The following ITGAM variants were observed in gnomAD, a reference collection of about 807,000 sequenced individuals.
ITGAM encodes integrin subunit alpha M, also known as integrin alpha-M.
ITGAM carries 79 observed loss-of-function variants against 137.5 expected under a neutral mutation model. The ratio of observed to expected loss-of-function variants is 0.57; its 90% CI spans 0.48 to 0.69. The LOEUF is 0.69. Ranked by LOEUF, ITGAM falls within the 30% of genes least tolerant of loss-of-function variation. The probability of loss-of-function intolerance (pLI) is 0.00; values close to 1 mark genes in which losing one functional copy is unlikely to be tolerated. For missense variants in ITGAM, 1,343 were observed against 1,483.5 expected (o/e 0.91, Z 1.56); for synonymous variants, 583 against 592.3 (o/e 0.98, Z 0.23).
chr16:31,261,040 A>T (rs2079692697), intron 1 of ITGAM, among the ~76,000 whole-genome samples: 1 of 152,090 alleles, frequency 6.6e-6, no homozygotes, highest in South Asian at 2.1e-4. Context: ...TGGTCTGCAA[A>T]ACCTAAAATT....
chr16:31,329,791 G>A lies in ITGAM; in HGVS notation c.2869-7G>A, dbSNP rs2080555958. 2 of 1,551,510 alleles carry A rather than the reference G, an allele frequency of 1.3e-6. No homozygotes were observed. The highest frequency in any genetic ancestry group is 1.7e-6 in the Non-Finnish European group (2 of 1,147,124). The stretch of plus-strand genomic sequence containing the variant: ...CCAGAGCCCTGACCCCGCCCTCCCC[G>A]GTGCAGGTCAGCAACCTGGGGCAGA... On this transcript the variant is annotated splice_region_variant and splice_polypyrimidine_tract_variant and intron_variant, in intron 24 of 29. Transcript: ENST00000544665.
At chr16:31,264,457 G>C (rs569057331) in intron 2 of ITGAM, among the ~76,000 whole-genome samples, 10 of 151,940 alleles carry the variant, frequency 6.6e-5, no homozygotes, top group African/African-American at 2.2e-4. Context: ...TTCAAAGAAA[G>C]AAAATAAATA....
chr16:31,325,459 C>T (rs906922753), intron 20 of ITGAM, 41 bp from the exon 21 acceptor site: 6 of 1,613,140 alleles, frequency 3.7e-6, no homozygotes, highest in Admixed American at 1.7e-5. Flanking sequence ...TCCTCACGGC[C>T]GGAGGTGGAT....
At position 31,330,410 on chromosome 16, in the gene ITGAM, T is replaced by C. The variant is rs771789895; in HGVS notation, c.3163T>C (p.Trp1055Arg). The C allele has an allele frequency of 6.2e-6, 10 of 1,613,004 alleles. No individual in the cohort carries two copies. Among genetic ancestry groups the C allele is most frequent in the Non-Finnish European group, 7.6e-6 (9 of 1,179,026 alleles). Reference protein sequence around the residue: ...ATLKGNLSFDWYIKTSHNHLL... With the variant: ...ATLKGNLSFDRYIKTSHNHLL... ...CCTCAAAGGCAACCTCTCGTTTGACTGGTACATCAAGGTGTGTGGGGTCCT... is the reference window on the plus strand; with the variant it reads ...CCTCAAAGGCAACCTCTCGTTTGACCGGTACATCAAGGTGTGTGGGGTCCT... Residue 1055 changes from tryptophan (W) to arginine (R), a missense_variant, in exon 27 of 30, where the codon TGG becomes CGG. Transcript: ENST00000544665.
At chr16:31,310,855 A>T (rs1390149753) in intron 14 of ITGAM, among the ~76,000 whole-genome samples, 1 of 152,064 alleles carries the variant, frequency 6.6e-6, no homozygotes, top group African/African-American at 2.4e-5. Context: ...GATGATGGTG[A>T]CGTACAGATG....
rs1555471393 is a variant in ITGAM at position 31,328,098 on chromosome 16, C to T, written c.2709-49C>T. Reference sequence around the variant, plus strand: ...AGTGAGGGAGAGGGAGGAGCAAAGACTAACTGTCAGTTCTCAAGAGCCGGC... The same window carrying T: ...AGTGAGGGAGAGGGAGGAGCAAAGATTAACTGTCAGTTCTCAAGAGCCGGC... On this transcript the variant is annotated intron_variant, in intron 22 of 29. Coordinates refer to ENST00000544665, the MANE Select transcript of ITGAM (RefSeq NM_000632.4). The T allele has an allele frequency of 1.2e-5, 17 of 1,414,596 alleles. 1 individual carries two copies. The South Asian group carries it at 1.4e-4, about 11-fold the overall frequency. The allele number at this position is 1,414,596 out of a possible 1,614,324, so 87.6% of individuals were successfully genotyped here.
chr16:31,267,721 C>A (rs1164728813), intron 5 of ITGAM, among the ~76,000 whole-genome samples: 4 of 151,964 alleles, frequency 2.6e-5, no homozygotes, highest in African/African-American at 9.7e-5. Context: ...GGCACAATCT[C>A]GGCTCACTGC....
At chr16:31,329,092 C>CCCCCCCCAA in intron 23 of ITGAM, 136 bp from the exon 24 acceptor site, 1 of 632,234 alleles carries the variant, frequency 1.6e-6, no homozygotes. Context: ...CCCCTGCACC[C>CCCCCCCCAA]CACCCCATCT....
chr16:31,294,224 C>A (rs1403816229), intron 12 of ITGAM, among the ~76,000 whole-genome samples: 3 of 152,016 alleles, frequency 2.0e-5, no homozygotes, highest in African/African-American at 7.2e-5. Flanking sequence ...TATTTGTATG[C>A]CCTTTTTTCT....
rs2079873138 is a variant in ITGAM at position 31,273,401 on chromosome 16, G to T, written c.741G>T (p.Lys247Asn). 3 of 1,613,656 alleles carry T rather than the reference G, an allele frequency of 1.9e-6. No homozygotes were observed. The highest frequency in any genetic ancestry group is 2.5e-6 in the Non-Finnish European group (3 of 1,179,822). ...TTAACATCACCAACGGAGCCCGAAA[G>T]AATGCCTTTAAGATCCTAGTTGTCA... ...ELFNITNGAR[K>N]NAFKILVVIT... Residue 247 changes from lysine to asparagine, a missense_variant, in exon 8 of 30, where the codon AAG (lysine) becomes AAT (asparagine). Physicochemically the swap from Lys to Asn is moderately conservative, Grantham distance 94. Transcript: ENST00000544665.
intron 12 of ITGAM, among the ~76,000 whole-genome samples, chr16:31,278,806 T>C (rs556171024): frequency 6.6e-6 from 1 of 152,352 alleles, no homozygotes; most frequent in South Asian, 2.1e-4. Context: ...GTTACATATG[T>C]ATACATGTGC....
chr16:31,328,910 G>T (rs917702428), intron 23 of ITGAM: 18 of 479,108 alleles, frequency 3.8e-5, no homozygotes, highest in African/African-American at 3.2e-4. Context: ...ATGTGTGTGT[G>T]TCTGAGGATC....
At chr16:31,302,453 TCC>T (rs1491441372) in intron 14 of ITGAM, among the ~76,000 whole-genome samples, 4,447 of 104,198 alleles carry the variant, frequency 0.043, 177 homozygotes, top group African/African-American at 0.12. Context: ...CTTTCTTTCT[TCC>T]TTCCTTTCTT....
At chr16:31,283,987 G>A (rs1208219133) in intron 12 of ITGAM, among the ~76,000 whole-genome samples, 3 of 152,192 alleles carry the variant, frequency 2.0e-5, no homozygotes, top group African/African-American at 7.2e-5. Flanking sequence ...GTTTGCCGGA[G>A]TTCCACTCCA....
At chr16:31,264,377 G>C (rs2079740336) in intron 2 of ITGAM, among the ~76,000 whole-genome samples, 1 of 152,078 alleles carries the variant, frequency 6.6e-6, no homozygotes, top group Admixed American at 6.6e-5. Flanking sequence ...AACCTGGGAG[G>C]CAGAGGTTGC....
At position 31,329,381 on chromosome 16, in the gene ITGAM, T is replaced by C. The variant is rs1317390444; in HGVS notation, c.2868+78T>C. 1.0e-5 allele frequency: 11 copies of C among 1,074,106 alleles called. No homozygotes were observed. The Middle Eastern group carries it at 6.4e-4, about 63-fold the overall frequency. The allele number at this position is 1,074,106 out of a possible 1,614,324, so 66.5% of individuals were successfully genotyped here. A position where few individuals can be genotyped will look rare whatever the true frequency, so the allele number is the denominator to read the frequency against. The stretch of plus-strand genomic sequence containing the variant: ...ATGGTAGAAAATGCAGAAACAGGGA[T>C]GGGAAATGTGCGCAAGGCACCTGTG... On this transcript the variant is annotated intron_variant, in intron 24 of 29. Transcript: ENST00000544665.
Position 31,329,854 on chromosome 16 carries a change from C to T in ITGAM, c.2925C>T (p.Val975=). ...LPISLVFLVP[V]RLNQTVIWDR... ...TCAGCCTGGTGTTCTTGGTGCCCGT[C>T]CGGCTGAACCAGACTGTCATATGGG... The change falls in exon 25 of 30, where the codon GTC becomes GTT. Residue 975 remains valine (V), a synonymous_variant. Coordinates refer to ENST00000544665, the MANE Select transcript of ITGAM (RefSeq NM_000632.4). 6.4e-7 allele frequency: 1 copy of T among 1,564,820 alleles called. No homozygotes were observed.
chr16:31,278,708 C>G (rs929422871), intron 12 of ITGAM, among the ~76,000 whole-genome samples: 2 of 152,156 alleles, frequency 1.3e-5, no homozygotes, highest in African/African-American at 2.4e-5. Context: ...TAGGACTGCA[C>G]CCATGATATG....
chr16:31,332,773 G>A lies in ITGAM; in HGVS notation c.*1066G>A, dbSNP rs2080604610. 6.6e-6 allele frequency: 1 copy of A among 152,220 alleles called. No homozygotes were observed. Among genetic ancestry groups the A allele is most frequent in the African/African-American group, 2.4e-5 (1 of 41,450 alleles). The allele number at this position is 152,220 out of a possible 1,614,324, so 9.4% of individuals were successfully genotyped here. ...CGCTGCATAGTATTCCATTGTGTGA[G>A]TGTACCATAATGTATTTAACCAGTC... On this transcript the variant is annotated 3_prime_UTR_variant, in exon 30 of 30. Transcript: ENST00000544665.
Sources: allele counts gnomAD v4.1 joint callset (sites outside exome capture counted in the v4.1 genomes callset), GRCh38; gene constraint gnomAD v4.1.1; transcripts MANE v1.5; gene names NCBI Gene and HGNC (gene_info 2026-07-23, HGNC 2026-07-21).